Variants in RAPGEF4 observed in about 807,000 individuals in gnomAD.
RAPGEF4 encodes the protein Rap guanine nucleotide exchange factor 4.
RAPGEF4 carries 66 observed loss-of-function variants against 147.9 expected under a neutral mutation model. That is an observed-to-expected ratio of 0.45 (90% CI 0.37 to 0.55). RAPGEF4 has a LOEUF of 0.55. RAPGEF4 is among the 20% of genes least tolerant of loss of function. The pLI, the probability that RAPGEF4 is intolerant of heterozygous loss-of-function variation, is 0.00. For synonymous variants in RAPGEF4, 419 were observed against 442.7 expected (o/e 0.95, Z 0.67); for missense variants, 1,071 against 1,257.3 (o/e 0.85, Z 2.24).
chr2:172,797,642 G>A, intron 3 of RAPGEF4, 29 bp downstream of exon 3: 2 of 1,544,392 alleles, frequency 1.3e-6, no homozygotes, highest in Non-Finnish European at 1.8e-6. Context: ...TTGAAAGTAG[G>A]ATTTATTTTT....
At chr2:172,793,668 G>A (rs1029257815) in intron 1 of RAPGEF4, among the ~76,000 whole-genome samples, 3 of 152,260 alleles carry the variant, frequency 2.0e-5, no homozygotes, top group African/African-American at 7.2e-5. Flanking sequence ...GGAAGGAACA[G>A]ACTTGGAAAA....
At chr2:172,962,590 T>G (rs1315250930) in intron 8 of RAPGEF4, among the ~76,000 whole-genome samples, 2 of 152,084 alleles carry the variant, frequency 1.3e-5, no homozygotes, top group Non-Finnish European at 2.9e-5. Flanking sequence ...CTATACTCCA[T>G]GCAAACTAAT....
At position 173,042,371 on chromosome 2, in the gene RAPGEF4, C is replaced by T. The variant is rs186378939; in HGVS notation, c.2853+5679C>T. 3.5e-3 allele frequency among the ~76,000 whole-genome samples: 540 copies of T among 152,326 alleles called. 4 individuals are homozygous for T. The highest frequency in any genetic ancestry group is 0.01 in the Middle Eastern group (3 of 294). ...TGAATCAACTGGGCACAGTGGCTCA[C>T]GCCTGTAATCCCAGCACTTTGGGAG... On this transcript the variant is annotated intron_variant, in intron 29 of 30. Coordinates refer to ENST00000397081, the MANE Select transcript of RAPGEF4 (RefSeq NM_007023.4). This position sits in a 1 kb window ranked among gnomAD's most constrained non-coding sequence, Gnocchi z 4.2.
At chr2:172,791,159 A>G (rs1459992173) in intron 1 of RAPGEF4, among the ~76,000 whole-genome samples, 2 of 152,168 alleles carry the variant, frequency 1.3e-5, no homozygotes, top group Non-Finnish European at 2.9e-5. Context: ...TCCACCTCCC[A>G]ACATTGTTGC....
chr2:172,780,194 T>C (rs1684552297), intron 1 of RAPGEF4, among the ~76,000 whole-genome samples: 1 of 152,206 alleles, frequency 6.6e-6, no homozygotes, highest in African/African-American at 2.4e-5. Flanking sequence ...TTTATTAACA[T>C]GTATTTCATA....
chr2:172,950,315 C>T (rs1345125845), intron 6 of RAPGEF4, among the ~76,000 whole-genome samples: 3 of 152,002 alleles, frequency 2.0e-5, no homozygotes, highest in Non-Finnish European at 4.4e-5. Flanking sequence ...TGGCGGGGGC[C>T]GTGGGGCTTG....
At chr2:172,879,327 G>A (rs760746396) in intron 4 of RAPGEF4, among the ~76,000 whole-genome samples, 2 of 152,066 alleles carry the variant, frequency 1.3e-5, no homozygotes, top group African/African-American at 2.4e-5. Context: ...ATATGATTAT[G>A]ATTCCATTCA....
In RAPGEF4 at chr2:172,874,277, C is replaced by T. The variant is rs1047000368; in HGVS notation, c.445-43525C>T. On this transcript the variant is annotated intron_variant, in intron 4 of 30. Transcript: ENST00000397081. ...TTTTTTTTAAATTATACTTTAAGTTCTAGGATACATGTGCACAATGTGCAG... is the reference window on the plus strand; with the variant it reads ...TTTTTTTTAAATTATACTTTAAGTTTTAGGATACATGTGCACAATGTGCAG... Among the ~76,000 whole-genome samples the T allele has an allele frequency of 2.0e-5, 3 of 151,920 alleles. No homozygotes were observed. The South Asian group carries it at 6.2e-4, about 32-fold the overall frequency.
At chr2:172,915,012 C>G (rs1389766188) in intron 4 of RAPGEF4, among the ~76,000 whole-genome samples, 3 of 152,180 alleles carry the variant, frequency 2.0e-5, no homozygotes, top group Non-Finnish European at 2.9e-5. Flanking sequence ...AGGTTTTATT[C>G]TAGTTAGCTG....
At chr2:172,828,860 G>T (rs142481547) in intron 4 of RAPGEF4, among the ~76,000 whole-genome samples, 1 of 152,284 alleles carries the variant, frequency 6.6e-6, no homozygotes, top group East Asian at 1.9e-4. Context: ...TTACCTCTCA[G>T]CAGTTTATTT....
chr2:172,984,293 A>G (rs988328405), intron 11 of RAPGEF4, among the ~76,000 whole-genome samples: 15 of 152,168 alleles, frequency 9.9e-5, no homozygotes, highest in Admixed American at 2.6e-4. Context: ...GGTCCCTAAG[A>G]AATATCTAGA....
Position 172,983,587 on chromosome 2 carries a change from TG to T in RAPGEF4, c.1089+8del, listed in dbSNP as rs745543785. 6.0e-5 allele frequency: 96 copies of T among 1,613,196 alleles called. No individual in the cohort carries two copies. The highest frequency in any genetic ancestry group is 1.0e-5 in the Non-Finnish European group (12 of 1,179,822). On this transcript the variant is annotated splice_region_variant and intron_variant, in intron 11 of 30. Coordinates refer to ENST00000397081, the MANE Select transcript of RAPGEF4 (RefSeq NM_007023.4). ...ATCCCATCTTTCTACCACAGTAAGT[TG>T]TCTCTTAGTTTAGCATGGTTGGAGC...
chr2:172,916,277 A>G (rs1005253482), intron 4 of RAPGEF4, among the ~76,000 whole-genome samples: 2 of 152,332 alleles, frequency 1.3e-5, no homozygotes, highest in East Asian at 3.9e-4. Context: ...AATATTTCTA[A>G]GCAAAGTGAA....
intron 3 of RAPGEF4, among the ~76,000 whole-genome samples, chr2:172,803,532 G>A (rs968072036): frequency 1.3e-5 from 2 of 152,136 alleles, no homozygotes; most frequent in Non-Finnish European, 2.9e-5. Flanking sequence ...TTTCCTCCTA[G>A]GCCTCTGGGC....
intron 6 of RAPGEF4, among the ~76,000 whole-genome samples, chr2:172,924,835 A>G (rs1043112940): frequency 2.6e-5 from 4 of 152,220 alleles, no homozygotes; most frequent in African/African-American, 9.6e-5. Flanking sequence ...CTGTGGACTG[A>G]AATAAAAACA....
At chr2:172,765,912 T>G (rs1696791608) in intron 1 of RAPGEF4, among the ~76,000 whole-genome samples, 1 of 152,178 alleles carries the variant, frequency 6.6e-6, no homozygotes, top group African/African-American at 2.4e-5. Context: ...TTCTGGATTG[T>G]GGGCTCAGGG....
chr2:172,944,156 G>C (rs1247184427), intron 6 of RAPGEF4, among the ~76,000 whole-genome samples: 2 of 152,130 alleles, frequency 1.3e-5, no homozygotes, highest in African/African-American at 4.8e-5. Flanking sequence ...CCTTCCTTCT[G>C]TTCTTGGTAA....
chr2:172,759,291 C>T (rs1308247932), intron 1 of RAPGEF4, among the ~76,000 whole-genome samples: 1 of 152,112 alleles, frequency 6.6e-6, no homozygotes, highest in African/African-American at 2.4e-5. Context: ...ATTTTGCATA[C>T]AAAGTGCAGG....
chr2:173,006,205 G>T (rs986872145), intron 17 of RAPGEF4, among the ~76,000 whole-genome samples: 5 of 152,202 alleles, frequency 3.3e-5, no homozygotes, highest in Non-Finnish European at 7.3e-5. Context: ...AAGCTGAAAT[G>T]AGGAGACAGG....
Sources: allele counts gnomAD v4.1 joint callset (sites outside exome capture counted in the v4.1 genomes callset), GRCh38; gene constraint gnomAD v4.1.1; non-coding constraint Gnocchi (gnomAD v3.1); transcripts MANE v1.5; gene names NCBI Gene and HGNC (gene_info 2026-07-23, HGNC 2026-07-21).